Variants in ANK3 observed in about 807,000 individuals in gnomAD.
ANK3 encodes ankyrin-3.
ANK3 carries 57 observed loss-of-function variants against 370.9 expected under a neutral mutation model. The observed-to-expected ratio is 0.15, with a 90% confidence interval of 0.12 to 0.19. The LOEUF (loss-of-function observed/expected upper bound fraction) is 0.19, where lower values mean the gene tolerates loss of function less well. ANK3 is among the 10% of genes least tolerant of loss of function. ANK3 has a pLI of 1.00. For missense variants in ANK3, 4,439 were observed against 5,302.1 expected, an observed-to-expected ratio of 0.84 and a Z score of 5.06; for synonymous variants, 1,929 against 1,946.3, an observed-to-expected ratio of 0.99 and a Z score of 0.23.
Position 60,027,286 on chromosome 10 carries a change from GTTTTTTTT to G in ANK3, c.*2552_*2559del, listed in dbSNP as rs71467087. ...CTTTACAGAGAGGCATTTTGGGAAA[GTTTTTTTT>G]TTTTTTTTTTTTTAAAAAAAAAACC... is the stretch of plus-strand genomic sequence containing the variant. On this transcript the variant is annotated 3_prime_UTR_variant, in exon 44 of 44. Transcript: ENST00000280772. The G allele has an allele frequency of 9.4e-6, 1 of 105,996 alleles. No individual in the cohort carries two copies. Among genetic ancestry groups the G allele is most frequent in the Admixed American group, 1.0e-4 (1 of 9,850 alleles). 6.6% of individuals were successfully genotyped at this position (105,996 alleles called of 1,614,324 possible).
chr10:60,587,073 A>G (rs183595950), intron 2 of ANK3, among the ~76,000 whole-genome samples: 121 of 152,310 alleles, frequency 7.9e-4, no homozygotes, highest in African/African-American at 2.8e-3. Flanking sequence ...ACTTACAATC[A>G]TGGTGGAAGG....
intron 33 of ANK3, 146 bp from the exon 34 acceptor site, chr10:60,082,883 C>A (rs975404260): frequency 2.1e-6 from 2 of 940,460 alleles, no homozygotes; most frequent in Non-Finnish European, 3.1e-6. Flanking sequence ...GATTATGCAG[C>A]AACCGGGGTG....
At chr10:60,411,817 G>T (rs72806168) in intron 2 of ANK3, among the ~76,000 whole-genome samples, 6 of 152,116 alleles carry the variant, frequency 3.9e-5, no homozygotes, top group Admixed American at 6.5e-5. Flanking sequence ...GTACTCATGA[G>T]ATTTTGAAAT....
intron 1 of ANK3, among the ~76,000 whole-genome samples, chr10:60,674,157 A>AT (rs61300334): frequency 6.6e-6 from 1 of 152,112 alleles, no homozygotes; most frequent in Non-Finnish European, 1.5e-5. Flanking sequence ...CATTCCAATA[A>AT]TTTTTTTTCT....
At chr10:60,502,217 CA>C (rs2075819189) in intron 2 of ANK3, among the ~76,000 whole-genome samples, 1 of 152,164 alleles carries the variant, frequency 6.6e-6, no homozygotes, top group Non-Finnish European at 1.5e-5. Context: ...CATGTAGTTA[CA>C]GCCCCTGTAG....
At chr10:60,059,823 C>T in intron 40 of ANK3, 1 of 1,614,212 alleles carries the variant, frequency 6.2e-7, no homozygotes, top group Non-Finnish European at 8.5e-7. Context: ...GACTGGAGGT[C>T]CATCTGCGGA....
chr10:60,522,223 C>T lies in ANK3; in HGVS notation c.96+92963G>A, dbSNP rs140183351. 6.7e-4 allele frequency among the ~76,000 whole-genome samples: 102 copies of T among 152,106 alleles called. 1 individual carries two copies. Among genetic ancestry groups the T allele is most frequent in the Non-Finnish European group, 1.2e-3 (83 of 67,974 alleles). ...GCCTGCCTCAACCCACAAGCGCCTC[C>T]GTTTAGCCAGGTGTTTCCAATTTTA... is the stretch of plus-strand genomic sequence containing the variant. On this transcript the variant is annotated intron_variant, in intron 2 of 43. Coordinates refer to the ANK3 transcript ENST00000373827.
intron 2 of ANK3, among the ~76,000 whole-genome samples, chr10:60,480,388 C>A (rs191777433): frequency 1.3e-5 from 2 of 152,150 alleles, no homozygotes; most frequent in Admixed American, 1.3e-4. Context: ...AAAAAATTCA[C>A]ACCTAATGAA....
intron 1 of ANK3, among the ~76,000 whole-genome samples, chr10:60,626,313 T>C (rs1026379662): frequency 6.6e-6 from 1 of 152,200 alleles, no homozygotes; most frequent in African/African-American, 2.4e-5. Flanking sequence ...TGTGATAATA[T>C]ATTTGCTTCT....
chr10:60,270,937 G>A (rs907865931), intron 4 of ANK3, among the ~76,000 whole-genome samples: 1 of 151,940 alleles, frequency 6.6e-6, no homozygotes, highest in Non-Finnish European at 1.5e-5. Flanking sequence ...CATATTACAT[G>A]TACATACATA....
At chr10:60,031,705 C>G (rs1463120307) in intron 43 of ANK3, among the ~76,000 whole-genome samples, 1 of 152,152 alleles carries the variant, frequency 6.6e-6, no homozygotes, top group African/African-American at 2.4e-5. Flanking sequence ...TGTTTACTTA[C>G]CTCAGACAAG....
chr10:60,404,327 A>G (rs1334446375), intron 2 of ANK3, among the ~76,000 whole-genome samples: 2 of 152,200 alleles, frequency 1.3e-5, no homozygotes, highest in Non-Finnish European at 2.9e-5. Context: ...GAGTGACACT[A>G]CCTGAATTTA....
chr10:60,502,715 A>G (rs1219056571), intron 2 of ANK3, among the ~76,000 whole-genome samples: 2 of 150,706 alleles, frequency 1.3e-5, no homozygotes, highest in African/African-American at 4.9e-5. Context: ...GAAGGAGGGA[A>G]GGAAGGGAAA....
At position 60,072,484 on chromosome 10, in the gene ANK3, A is replaced by G. The variant is rs1263505768; in HGVS notation, c.8397T>C (p.Ile2799=). Residue 2799 remains isoleucine (I), a synonymous_variant, in exon 37 of 44, where the codon ATT becomes ATC. Coordinates refer to ENST00000280772, the MANE Select transcript of ANK3 (RefSeq NM_020987.5). ...TATCAGAGCCAGAATCATTTACAAC[A>G]ATTTCGTTGCTTTGGGCATGCTCAT... ...TKDEHAQSNE[I]VVNDSGSDNV... 3 of 1,613,886 alleles carry G rather than the reference A, an allele frequency of 1.9e-6. No individual in the cohort carries two copies. The African/African-American group carries it at 4.0e-5, about 22-fold the overall frequency.
At chr10:60,615,556 G>A (rs923195129) in intron 1 of ANK3, among the ~76,000 whole-genome samples, 1 of 152,144 alleles carries the variant, frequency 6.6e-6, no homozygotes, top group African/African-American at 2.4e-5. Context: ...ATATGCCAAT[G>A]AGATGCAACT....
At chr10:60,386,876 C>T (rs932936124) in intron 1 of ANK3, among the ~76,000 whole-genome samples, 2 of 152,112 alleles carry the variant, frequency 1.3e-5, no homozygotes, top group African/African-American at 2.4e-5. Flanking sequence ...TTAAAAGCTC[C>T]TGGCCCGGTG....
In ANK3 at chr10:60,067,911, C is replaced by T. The variant is rs375888303; in HGVS notation, c.12319+24G>A. ...AAAGAAATGAAGAAACTAATTTGTT[C>T]CATTCAGGAGTGTATGCACTTACCT... On this transcript the variant is annotated intron_variant, in intron 38 of 43. Coordinates refer to ENST00000280772, the MANE Select transcript of ANK3 (RefSeq NM_020987.5). 22 of 1,550,340 alleles carry T rather than the reference C, an allele frequency of 1.4e-5. No homozygotes were observed. In the African/African-American group the frequency reaches 2.8e-4, roughly 20 times the overall value.
At chr10:60,619,377 T>A (rs186345081) in intron 1 of ANK3, among the ~76,000 whole-genome samples, 4 of 152,206 alleles carry the variant, frequency 2.6e-5, no homozygotes, top group African/African-American at 9.6e-5. Flanking sequence ...CAGGTCAAAA[T>A]CATATGCTAT....
At chr10:60,096,424 T>C (rs73257308) in intron 28 of ANK3, among the ~76,000 whole-genome samples, 4,253 of 152,282 alleles carry the variant, frequency 0.028, 104 homozygotes, top group African/African-American at 0.064. Flanking sequence ...GACAAAATAA[T>C]CTGCGGCACA....
Sources: allele counts gnomAD v4.1 joint callset (sites outside exome capture counted in the v4.1 genomes callset), GRCh38; gene constraint gnomAD v4.1.1; transcripts MANE v1.5; gene names NCBI Gene and HGNC (gene_info 2026-07-23, HGNC 2026-07-21).